Variants in ZNF407 observed in about 807,000 individuals in gnomAD.
The protein encoded by ZNF407 is zinc finger protein 407.
In ZNF407, 17 loss-of-function variants were observed where a neutral mutation model predicts 131.2. The ratio of observed to expected loss-of-function variants is 0.13; its 90% confidence interval spans 0.09 to 0.19. The LOEUF (loss-of-function observed/expected upper bound fraction) is 0.19. ZNF407 is among the 10% of genes least tolerant of loss of function. ZNF407 has a pLI of 1.00. For missense variants in ZNF407, 2,681 were observed against 2,830.6 expected, an observed-to-expected ratio of 0.95 and a Z score of 1.20; for synonymous variants, 1,156 against 1,062.0, an observed-to-expected ratio of 1.09 and a Z score of -1.72.
chr18:74,891,363 C>T (rs752116159), intron 7 of ZNF407, among the ~76,000 whole-genome samples: 1 of 152,260 alleles, frequency 6.6e-6, no homozygotes, highest in Admixed American at 6.5e-5. Flanking sequence ...CAAATGCAGC[C>T]CACTTTTGTT....
chr18:75,007,909 C>G (rs1009241799), intron 8 of ZNF407, among the ~76,000 whole-genome samples: 34 of 152,304 alleles, frequency 2.2e-4, no homozygotes, highest in Admixed American at 1.8e-3. Flanking sequence ...TCAGGATGTG[C>G]TGTTGAGTTA....
chr18:74,785,853 C>A (rs1411200367), intron 4 of ZNF407, among the ~76,000 whole-genome samples: 1 of 151,098 alleles, frequency 6.6e-6, no homozygotes, highest in East Asian at 1.9e-4. Context: ...TGCACATGGC[C>A]CACATGGCAC....
At chr18:74,744,023 C>G (rs533270829) in intron 3 of ZNF407, among the ~76,000 whole-genome samples, 1 of 151,924 alleles carries the variant, frequency 6.6e-6, no homozygotes, top group African/African-American at 2.4e-5. Context: ...TCTCATGGGA[C>G]CTTTTGATTA....
intron 1 of ZNF407, among the ~76,000 whole-genome samples, chr18:74,626,989 C>T (rs1043921708): frequency 3.3e-5 from 5 of 152,150 alleles, no homozygotes; most frequent in Admixed American, 1.3e-4. Context: ...CTTTTCTCCT[C>T]TCCTTTGTTT....
intron 1 of ZNF407, among the ~76,000 whole-genome samples, chr18:74,600,057 G>C (rs1158755875): frequency 6.6e-6 from 1 of 152,220 alleles, no homozygotes; most frequent in African/African-American, 2.4e-5. Context: ...GTAAAATGAT[G>C]AACAAGATAG....
At chr18:74,926,577 G>C (rs554890983) in intron 8 of ZNF407, among the ~76,000 whole-genome samples, 1 of 152,314 alleles carries the variant, frequency 6.6e-6, no homozygotes, top group African/African-American at 2.4e-5. Context: ...GCCAAGGCAA[G>C]CAATCACCTG....
intron 4 of ZNF407, among the ~76,000 whole-genome samples, chr18:74,835,900 C>T (rs568579374): frequency 9.2e-5 from 14 of 151,496 alleles, no homozygotes; most frequent in South Asian, 4.2e-4. Flanking sequence ...CTGGTTGGTG[C>T]AAGCAAGGAC....
At chr18:74,883,046 TGATA>T (rs1331962975) in intron 6 of ZNF407, among the ~76,000 whole-genome samples, 1 of 152,186 alleles carries the variant, frequency 6.6e-6, no homozygotes, top group Non-Finnish European at 1.5e-5. Flanking sequence ...GGCATCCCAG[TGATA>T]GATCGATCAG....
At chr18:74,873,737 T>C (rs1380722186) in intron 4 of ZNF407, among the ~76,000 whole-genome samples, 1 of 151,964 alleles carries the variant, frequency 6.6e-6, no homozygotes, top group African/African-American at 2.4e-5. Context: ...GGAACTCTTT[T>C]AAATTTATGC....
intron 3 of ZNF407, among the ~76,000 whole-genome samples, chr18:74,659,108 A>G (rs1363381271): frequency 6.6e-6 from 1 of 152,180 alleles, no homozygotes; most frequent in African/African-American, 2.4e-5. Flanking sequence ...CTACATAGAT[A>G]ACTTAATACT....
chr18:74,655,308 A>G lies in ZNF407; in HGVS notation c.4802+14186A>G, dbSNP rs545386622. ...AAATGCAACACACAAATATACATAT[A>G]TATTAGTATATATGTCCTTCACTAA... On this transcript the variant is annotated intron_variant, in intron 3 of 8. Transcript: ENST00000299687. Among the ~76,000 whole-genome samples, 6 of 152,160 alleles carry G rather than the reference A, an allele frequency of 3.9e-5. No individual in the cohort carries two copies. In the East Asian group the frequency reaches 7.7e-4, roughly 20 times the overall value.
At chr18:74,997,106 G>A (rs1972788299) in intron 8 of ZNF407, among the ~76,000 whole-genome samples, 1 of 152,224 alleles carries the variant, frequency 6.6e-6, no homozygotes, top group Non-Finnish European at 1.5e-5. Context: ...ATGTGTAACA[G>A]ATTTAATGAG....
intron 4 of ZNF407, among the ~76,000 whole-genome samples, chr18:74,817,282 A>G (rs901775646): frequency 4.6e-5 from 7 of 152,132 alleles, no homozygotes; most frequent in African/African-American, 9.7e-5. Context: ...TGCCTCTTCT[A>G]TAGTCCTGTT....
rs573419584 is a variant in ZNF407, at chr18:74,816,608, G to A, written c.4877+35106G>A. On this transcript the variant is annotated intron_variant, in intron 4 of 8. Transcript: ENST00000299687. ...TTGATTTATTTAAACCTAGAATTTG[G>A]CGTTTTATTTGTGTGTTTTAATAGA... Among the ~76,000 whole-genome samples the A allele has an allele frequency of 1.2e-4, 19 of 152,224 alleles. No individual in the cohort carries two copies. In the East Asian group the frequency reaches 3.7e-3, roughly 29 times the overall value.
intron 8 of ZNF407, among the ~76,000 whole-genome samples, chr18:74,943,670 A>G (rs1972124806): frequency 6.6e-6 from 1 of 152,234 alleles, no homozygotes; most frequent in African/African-American, 2.4e-5. Context: ...TGGAAGAACG[A>G]AGTCATGGAC....
At chr18:75,003,855 G>A (rs1311618206) in intron 8 of ZNF407, among the ~76,000 whole-genome samples, 1 of 152,086 alleles carries the variant, frequency 6.6e-6, no homozygotes, top group African/African-American at 2.4e-5. Context: ...TAAGGGAAAG[G>A]GACCAGAGTT....
chr18:74,780,129 G>A (rs1011931395), intron 3 of ZNF407, among the ~76,000 whole-genome samples: 1 of 151,792 alleles, frequency 6.6e-6, no homozygotes. Flanking sequence ...AGTGTGTATT[G>A]TCCATAGTTG....
chr18:75,020,469 G>A (rs1328600274), intron 8 of ZNF407, among the ~76,000 whole-genome samples: 1 of 152,114 alleles, frequency 6.6e-6, no homozygotes, highest in Non-Finnish European at 1.5e-5. Context: ...AAGATTGTAT[G>A]TGATGACCAA....
At chr18:74,812,046 A>G (rs1348228501) in intron 4 of ZNF407, among the ~76,000 whole-genome samples, 1 of 150,246 alleles carries the variant, frequency 6.7e-6, no homozygotes, top group East Asian at 1.9e-4. Flanking sequence ...AAAAAAATAA[A>G]TAAATTTCAT....
Sources: gnomAD v4.1 joint callset for allele counts (sites outside exome capture counted in the v4.1 genomes callset) on GRCh38, gnomAD v4.1.1 for gene constraint, MANE v1.5 for transcripts, NCBI Gene and HGNC (gene_info 2026-07-23, HGNC 2026-07-21) for gene names.